PAQR8: variants seen among roughly 807,000 people sequenced by gnomAD.
The protein encoded by PAQR8 is membrane progestin receptor beta.
A neutral mutation model predicts 25.2 loss-of-function variants in PAQR8; 17 were observed. The observed-to-expected ratio is 0.67, with a 90% CI of 0.46 to 1.01. The LOEUF is 1.01. PAQR8 is among the 50% of genes least tolerant of loss of function. The pLI is 0.00. For synonymous variants in PAQR8, 204 were observed against 190.6 expected (o/e 1.07, Z -0.58); for missense variants, 392 against 448.4 (o/e 0.87, Z 1.14).
chr6:52,384,348 G>C (rs1256906915), intron 1 of PAQR8, among the ~76,000 whole-genome samples: 1 of 152,186 alleles, frequency 6.6e-6, no homozygotes, highest in Non-Finnish European at 1.5e-5. Flanking sequence ...AAAAATGAAA[G>C]GTGTAATCAA....
At chr6:52,397,548 G>T (rs150943764) in intron 1 of PAQR8, among the ~76,000 whole-genome samples, 97 of 152,286 alleles carry the variant, frequency 6.4e-4, no homozygotes, top group Admixed American at 2.3e-3. Flanking sequence ...AGCTTCTTGA[G>T]GTAAAGGGTC....
In PAQR8 at chr6:52,403,959, C is replaced by A; in HGVS notation, c.746C>A (p.Thr249Asn). 1.2e-6 allele frequency: 2 copies of A among 1,614,252 alleles called. No individual in the cohort carries two copies. The highest frequency in any genetic ancestry group is 4.5e-5 in the East Asian group (2 of 44,892). ...CAGGAGCAAGCAGCCTGGTACCACA[C>A]CCTCCAGATCCTCTTCTTCCTGGTT... is the stretch of plus-strand genomic sequence containing the variant. ...GCQEQAAWYH[T>N]LQILFFLVSA... is the part of the protein sequence containing the mutation. Residue 249 changes from threonine to asparagine, a missense_variant, in exon 2 of 2, where the codon ACC (threonine) becomes AAC (asparagine). Transcript: ENST00000442253.
chr6:52,367,588 G>A (rs1041827231), intron 1 of PAQR8, among the ~76,000 whole-genome samples: 1 of 152,204 alleles, frequency 6.6e-6, no homozygotes. Context: ...TTTCATTTGT[G>A]TGCCCAAGGA....
intron 1 of PAQR8, among the ~76,000 whole-genome samples, chr6:52,395,584 G>A (rs1763758678): frequency 6.6e-6 from 1 of 152,124 alleles, no homozygotes; most frequent in South Asian, 2.1e-4. Flanking sequence ...TGATTCCCAG[G>A]AGTGTTACAA....
chr6:52,367,842 C>G (rs1005621725), intron 1 of PAQR8, among the ~76,000 whole-genome samples: 18 of 152,220 alleles, frequency 1.2e-4, no homozygotes, highest in African/African-American at 3.6e-4. Flanking sequence ...TCCCAGGCTT[C>G]TGAAGGCTCT....
chr6:52,405,966 T>G lies in PAQR8; in HGVS notation c.*1688T>G, dbSNP rs1434074236. On this transcript the variant is annotated 3_prime_UTR_variant, in exon 2 of 2. Transcript: ENST00000442253. ...TCTATTTTGGCCACAAACAAACATA[T>G]TCAACTGAAGCTTTCCAATAATCTT... The G allele has an allele frequency of 1.8e-5, 3 of 166,900 alleles. No individual in the cohort carries two copies. Among genetic ancestry groups the G allele is most frequent in the Non-Finnish European group, 4.4e-5 (3 of 68,154 alleles). The allele number at this position is 166,900 out of a possible 1,614,324, so 10.3% of individuals were successfully genotyped here.
chr6:52,403,127 C>T, intron 1 of PAQR8, 35 bp from the exon 2 acceptor site: 6 of 1,155,248 alleles, frequency 5.2e-6, no homozygotes, highest in Non-Finnish European at 6.0e-6. Flanking sequence ...TCGTGTCTCA[C>T]TGCGGCTTTG....
At chr6:52,379,588 A>T (rs1244629054) in intron 1 of PAQR8, among the ~76,000 whole-genome samples, 1 of 136,060 alleles carries the variant, frequency 7.3e-6, no homozygotes, top group Non-Finnish European at 1.5e-5. Context: ...AGTAGCTGGG[A>T]TTACAGGTGC....
intron 1 of PAQR8, among the ~76,000 whole-genome samples, chr6:52,400,962 G>C (rs1256782319): frequency 6.6e-6 from 1 of 152,124 alleles, no homozygotes; most frequent in Non-Finnish European, 1.5e-5. Context: ...CCTTGGGCTG[G>C]GCAGAGTGCT....
rs1298495697 is a variant in PAQR8, at chr6:52,403,342, C to G, written c.129C>G (p.Pro43=). 6.2e-7 allele frequency: 1 copy of G among 1,614,134 alleles called. No homozygotes were observed. Among genetic ancestry groups the G allele is most frequent in the African/African-American group, 1.3e-5 (1 of 74,950 alleles). ...GCACTGTCCCAGAAACGGATGTGCC[C>G]CAGCTCTTCCGGGAGCCTTACATCC... is the stretch of plus-strand genomic sequence containing the variant. ...MPCTVPETDV[P]QLFREPYIRT... The change falls in exon 2 of 2, where the codon CCC becomes CCG. Residue 43 remains proline (P), a synonymous_variant. Transcript: ENST00000442253.
chr6:52,403,906 T>G lies in PAQR8; in HGVS notation c.693T>G (p.Arg231=), dbSNP rs1245880962. 3.1e-6 allele frequency: 5 copies of G among 1,614,252 alleles called. No homozygotes were observed. The highest frequency in any genetic ancestry group is 4.2e-6 in the Non-Finnish European group (5 of 1,180,040). The change falls in exon 2 of 2, where the codon CGT becomes CGG. Residue 231 remains arginine (R), a synonymous_variant. Coordinates refer to ENST00000442253, the MANE Select transcript of PAQR8 (RefSeq NM_133367.5). ...TAGACATCAGCCCTGTGGCACACCG[T>G]GTGGCGCTCTGTCACCTGGCTGGCT... ...FILDISPVAH[R]VALCHLAGCQ...
In PAQR8 at chr6:52,362,757, G is replaced by A. The variant is rs1763305340; in HGVS notation, c.-53+508G>A. ...ACGGAACCTGGGAGGGGAGTGCGGA[G>A]GAGAGGAAGCCCGGGGCGGTAGGGA... On this transcript the variant is annotated intron_variant, in intron 1 of 1. Transcript: ENST00000442253. The surrounding 1 kb of genome is among the most constrained non-coding windows in gnomAD (Gnocchi z 4.1). Among the ~76,000 whole-genome samples, 1 of 152,200 alleles carries A rather than the reference G, an allele frequency of 6.6e-6. No homozygotes were observed. Among genetic ancestry groups the A allele is most frequent in the Non-Finnish European group, 1.5e-5 (1 of 68,024 alleles).
chr6:52,366,585 C>T (rs1208404238), intron 1 of PAQR8, among the ~76,000 whole-genome samples: 1 of 152,110 alleles, frequency 6.6e-6, no homozygotes, highest in Non-Finnish European at 1.5e-5. Context: ...GAGAAAATAG[C>T]TATAATTAGT....
chr6:52,374,736 C>A (rs566741417), intron 1 of PAQR8, among the ~76,000 whole-genome samples: 104 of 152,144 alleles, frequency 6.8e-4, no homozygotes, highest in African/African-American at 2.3e-3. Flanking sequence ...TTTTCTTCCC[C>A]CTTACCTGTC....
At chr6:52,369,451 G>C (rs1763391659) in intron 1 of PAQR8, among the ~76,000 whole-genome samples, 1 of 152,188 alleles carries the variant, frequency 6.6e-6, no homozygotes, top group Non-Finnish European at 1.5e-5. Flanking sequence ...ATAGAGAATT[G>C]AGTACTTTCC....
At chr6:52,396,921 A>T (rs1763773729) in intron 1 of PAQR8, among the ~76,000 whole-genome samples, 1 of 152,150 alleles carries the variant, frequency 6.6e-6, no homozygotes, top group African/African-American at 2.4e-5. Flanking sequence ...GTTGGAGGCA[A>T]ATTTGGAAAT....
chr6:52,383,123 A>T (rs1471735847), intron 1 of PAQR8, among the ~76,000 whole-genome samples: 1 of 152,258 alleles, frequency 6.6e-6, no homozygotes, highest in African/African-American at 2.4e-5. Flanking sequence ...AGATACACTA[A>T]TATATTTATA....
intron 1 of PAQR8, among the ~76,000 whole-genome samples, chr6:52,365,943 AT>A (rs541832994): frequency 8.5e-5 from 13 of 152,174 alleles, no homozygotes; most frequent in Admixed American, 3.3e-4. Flanking sequence ...CTCTTCTCTA[AT>A]TTTTTTCCCT....
intron 1 of PAQR8, among the ~76,000 whole-genome samples, chr6:52,388,980 A>G (rs931296058): frequency 6.6e-6 from 1 of 152,234 alleles, no homozygotes; most frequent in Non-Finnish European, 1.5e-5. Flanking sequence ...CAACAAGAAT[A>G]AAAACGAGTT....
Sources: gnomAD v4.1 joint callset for allele counts (sites outside exome capture counted in the v4.1 genomes callset) on GRCh38, gnomAD v4.1.1 for gene constraint, Gnocchi (gnomAD v3.1) non-coding constraint, MANE v1.5 for transcripts, NCBI Gene and HGNC (gene_info 2026-07-23, HGNC 2026-07-21) for gene names.